The following PIN1 variants were observed in gnomAD, a reference collection of about 807,000 sequenced individuals.
The protein encoded by PIN1 is peptidylprolyl cis/trans isomerase, NIMA-interacting 1.
In PIN1, 8 loss-of-function variants were observed where a neutral mutation model predicts 19.9. That is an observed-to-expected ratio of 0.40 (90% CI 0.24 to 0.72). The LOEUF (loss-of-function observed/expected upper bound fraction) is 0.72, where lower values mean the gene tolerates loss of function less well. Ranked by LOEUF, PIN1 falls within the 30% of genes least tolerant of loss-of-function variation. The pLI, the probability that PIN1 is intolerant of heterozygous loss-of-function variation, is 0.37. For missense variants in PIN1, 185 were observed against 226.5 expected (o/e 0.82, Z 1.18); for synonymous variants, 86 against 90.8 (o/e 0.95, Z 0.30).
Position 9,838,727 on chromosome 19 carries a change from AC to A in PIN1, c.271+83del. On this transcript the variant is annotated intron_variant, in intron 2 of 3. Coordinates refer to ENST00000247970, the MANE Select transcript of PIN1 (RefSeq NM_006221.4). The surrounding 1 kb of genome is among the most constrained non-coding windows in gnomAD (Gnocchi z 5.8). The stretch of plus-strand genomic sequence containing the variant: ...TTGTAGAAGTCACATCAGACCCTTC[AC>A]CCCAGCTTGCTCAGCTGCCAGGCGT... The A allele has an allele frequency of 8.3e-7, 1 of 1,200,862 alleles. No individual in the cohort carries two copies. The highest frequency in any genetic ancestry group is 1.2e-6 in the Non-Finnish European group (1 of 856,056). 74.4% of individuals were successfully genotyped at this position (1,200,862 alleles called of 1,614,324 possible).
chr19:9,842,197 G>A (rs919063917), intron 2 of PIN1, among the ~76,000 whole-genome samples: 1 of 152,154 alleles, frequency 6.6e-6, no homozygotes, highest in Non-Finnish European at 1.5e-5. Flanking sequence ...AGAAGTGAGA[G>A]GGAGCAGACC....
At position 9,838,152 on chromosome 19, in the gene PIN1, T is replaced by C; in HGVS notation, c.59-284T>C. ...CCTCTGTTCCATCACTCTGGGTTAT[T>C]TTCCTCCTTGAAGTTATCAGGGATT... On this transcript the variant is annotated intron_variant, in intron 1 of 3. Coordinates refer to ENST00000247970, the MANE Select transcript of PIN1 (RefSeq NM_006221.4). This position sits in a 1 kb window ranked among gnomAD's most constrained non-coding sequence, Gnocchi z 5.8. The C allele has an allele frequency of 2.1e-6, 1 of 484,616 alleles. No homozygotes were observed. The highest frequency in any genetic ancestry group is 2.1e-5 in the South Asian group (1 of 48,078). 30.0% of individuals were successfully genotyped at this position (484,616 alleles called of 1,614,324 possible). A position where few individuals can be genotyped will look rare whatever the true frequency, so the allele number is the denominator to read the frequency against.
In PIN1 at chr19:9,849,518, C is replaced by T. The variant is rs1183953067; in HGVS notation, c.*319C>T. 1.5e-6 allele frequency: 1 copy of T among 645,986 alleles called. No homozygotes were observed. Among genetic ancestry groups the T allele is most frequent in the Non-Finnish European group, 2.9e-6 (1 of 341,638 alleles). 40.0% of individuals were successfully genotyped at this position (645,986 alleles called of 1,614,324 possible). A position where few individuals can be genotyped will look rare whatever the true frequency, so the allele number is the denominator to read the frequency against. Reference sequence around the variant, plus strand: ...GAGAAGGCCTGGTCAGCAGAGCCGCCCCGTGTCCCCCCAGGTGCTGGAGGC... The same window carrying T: ...GAGAAGGCCTGGTCAGCAGAGCCGCTCCGTGTCCCCCCAGGTGCTGGAGGC... On this transcript the variant is annotated 3_prime_UTR_variant, in exon 4 of 4. Coordinates refer to ENST00000247970, the MANE Select transcript of PIN1 (RefSeq NM_006221.4).
At chr19:9,839,261 C>T (rs2046141766) in intron 2 of PIN1, among the ~76,000 whole-genome samples, 1 of 151,956 alleles carries the variant, frequency 6.6e-6, no homozygotes, top group Non-Finnish European at 1.5e-5. Flanking sequence ...TGGTGAAACT[C>T]CATCTCTACT....
intron 2 of PIN1, among the ~76,000 whole-genome samples, chr19:9,839,528 C>T (rs2145410949): frequency 6.6e-6 from 1 of 152,198 alleles, no homozygotes; most frequent in Non-Finnish European, 1.5e-5. Context: ...AGTCTGGCAC[C>T]AAGGTGGCAA....
Position 9,847,878 on chromosome 19 carries a change from A to G in PIN1, c.272-152A>G, listed in dbSNP as rs944098310. The G allele has an allele frequency of 2.7e-5, 18 of 674,702 alleles. No homozygotes were observed. In the Admixed American group the frequency reaches 3.7e-4, roughly 14 times the overall value. 41.8% of individuals were successfully genotyped at this position (674,702 alleles called of 1,614,324 possible). ...TGCGCATGCAGGTATGTGTGAGGAG[A>G]GGGGTTGTGGGGAGCATGTGCGCCT... On this transcript the variant is annotated intron_variant, in intron 2 of 3. Transcript: ENST00000247970.
At chr19:9,836,610 T>G (rs998863475) in intron 1 of PIN1, 23 of 323,880 alleles carry the variant, frequency 7.1e-5, no homozygotes, top group Admixed American at 1.6e-4. Flanking sequence ...CTGTCAGCCT[T>G]TGGAGTGGCA....
intron 2 of PIN1, among the ~76,000 whole-genome samples, chr19:9,840,719 C>A (rs543023324): frequency 1.3e-5 from 2 of 152,314 alleles, no homozygotes; most frequent in Admixed American, 1.3e-4. Flanking sequence ...ACCTCAGCCT[C>A]CCAAGTAGCT....
intron 1 of PIN1, chr19:9,836,785 G>C: frequency 7.9e-7 from 1 of 1,271,370 alleles, no homozygotes; most frequent in Non-Finnish European, 1.0e-6. Context: ...AAGTACCTGA[G>C]TACAGTTCCT....
At chr19:9,837,196 C>T in intron 1 of PIN1, 1 of 251,542 alleles carries the variant, frequency 4.0e-6, no homozygotes, top group South Asian at 4.1e-5. Flanking sequence ...CTCTGTCACC[C>T]AGGCTGGAGT....
At chr19:9,841,706 G>C (rs1405318087) in intron 2 of PIN1, among the ~76,000 whole-genome samples, 2 of 152,182 alleles carry the variant, frequency 1.3e-5, no homozygotes, top group African/African-American at 4.8e-5. Context: ...CAGGGGTTCT[G>C]GTTGCCCCAG....
intron 2 of PIN1, among the ~76,000 whole-genome samples, chr19:9,840,934 A>G (rs975407699): frequency 6.6e-6 from 1 of 152,198 alleles, no homozygotes; most frequent in African/African-American, 2.4e-5. Context: ...TATTAGAATA[A>G]TAAGACCCAC....
intron 2 of PIN1, among the ~76,000 whole-genome samples, chr19:9,847,030 G>A (rs1173330912): frequency 6.6e-6 from 1 of 152,180 alleles, no homozygotes; most frequent in Non-Finnish European, 1.5e-5. Flanking sequence ...CAGAGCAAGA[G>A]GATTGGGGTA....
chr19:9,848,014 C>A lies in PIN1; in HGVS notation c.272-16C>A. ...AACCCCTGACCTGGCACTCCCATTC[C>A]GTTCCATGTCCACAGGCTACATCCA... is the stretch of plus-strand genomic sequence containing the variant. On this transcript the variant is annotated splice_polypyrimidine_tract_variant and intron_variant, in intron 2 of 3. Coordinates refer to ENST00000247970, the MANE Select transcript of PIN1 (RefSeq NM_006221.4). 4 of 1,542,976 alleles carry A rather than the reference C, an allele frequency of 2.6e-6. No individual in the cohort carries two copies. Among genetic ancestry groups the A allele is most frequent in the Non-Finnish European group, 3.6e-6 (4 of 1,115,556 alleles).
Position 9,849,658 on chromosome 19 carries a change from ACC to A in PIN1, c.*463_*464del, listed in dbSNP as rs2046256452. On this transcript the variant is annotated 3_prime_UTR_variant, in exon 4 of 4. Transcript: ENST00000247970. ...CTGAGCAACTGTGCAGCACCCTTTC[ACC>A]CCCAATTAAACCCAGAACCACTGCT... is the stretch of plus-strand genomic sequence containing the variant. 3.9e-6 allele frequency: 2 copies of A among 516,328 alleles called. No homozygotes were observed. The highest frequency in any genetic ancestry group is 7.7e-6 in the Non-Finnish European group (2 of 259,664). 32.0% of individuals were successfully genotyped at this position (516,328 alleles called of 1,614,324 possible).
chr19:9,843,903 AG>A (rs1271657527), intron 2 of PIN1, among the ~76,000 whole-genome samples: 1 of 152,134 alleles, frequency 6.6e-6, no homozygotes, highest in Non-Finnish European at 1.5e-5. Flanking sequence ...CTAAAAAAAA[AG>A]CCAGATGTAG....
chr19:9,847,870 G>T (rs537914125), intron 2 of PIN1, among the ~76,000 whole-genome samples, 160 bp from the exon 3 acceptor site: 74 of 152,302 alleles, frequency 4.9e-4, no homozygotes, highest in Non-Finnish European at 9.0e-4. Flanking sequence ...GCAGGTATGT[G>T]TGAGGAGAGG....
At chr19:9,840,264 C>T (rs1162724057) in intron 2 of PIN1, among the ~76,000 whole-genome samples, 1 of 152,100 alleles carries the variant, frequency 6.6e-6, no homozygotes, top group Non-Finnish European at 1.5e-5. Context: ...TGGCGGGCAC[C>T]TGTAGTCCCA....
At chr19:9,840,157 G>T (rs183628581) in intron 2 of PIN1, among the ~76,000 whole-genome samples, 2 of 152,196 alleles carry the variant, frequency 1.3e-5, no homozygotes, top group Non-Finnish European at 2.9e-5. Context: ...GGGAGGCCAA[G>T]GTGGGTGGAT....
Sources: gnomAD v4.1 joint callset for allele counts (sites outside exome capture counted in the v4.1 genomes callset) on GRCh38, gnomAD v4.1.1 for gene constraint, Gnocchi (gnomAD v3.1) non-coding constraint, MANE v1.5 for transcripts, NCBI Gene and HGNC (gene_info 2026-07-23, HGNC 2026-07-21) for gene names.